Variants in CSN3 observed in about 807,000 individuals in gnomAD.
CSN3 encodes the protein casein kappa.
In CSN3, 7 loss-of-function variants were observed where a neutral mutation model predicts 9.9. That is an observed-to-expected ratio of 0.71 (90% CI 0.40 to 1.33). The LOEUF is 1.33. Among genes scored for constraint, CSN3 ranks in the 40% most tolerant of loss-of-function variants. The pLI is 0.01. For synonymous variants in CSN3, 88 were observed against 82.3 expected, an observed-to-expected ratio of 1.07 and a Z score of -0.37; for missense variants, 253 against 227.9, an observed-to-expected ratio of 1.11 and a Z score of -0.71.
exon 2 of CSN3, chr4:70,244,846 T>C (rs1261199751): frequency 1.3e-6 from 2 of 1,569,920 alleles, no homozygotes; most frequent in East Asian, 2.3e-5. Context: ...TAGTTGTCAA[T>C]GCCCTGGCAT....
chr4:70,245,587 T>A (rs996494030), intron 2 of CSN3, among the ~76,000 whole-genome samples: 2 of 152,162 alleles, frequency 1.3e-5, no homozygotes, highest in African/African-American at 2.4e-5. Flanking sequence ...CCTCTTTTTA[T>A]TTTCTTGTTC....
upstream of CSN3, among the ~76,000 whole-genome samples, chr4:70,239,305 G>A (rs1730228336): frequency 6.6e-6 from 1 of 151,750 alleles, no homozygotes; most frequent in African/African-American, 2.4e-5. Flanking sequence ...ACATTGAGTG[G>A]GAAGAATATC....
At chr4:70,245,882 T>C (rs957470720) in intron 2 of CSN3, among the ~76,000 whole-genome samples, 1 of 152,152 alleles carries the variant, frequency 6.6e-6, no homozygotes, top group African/African-American at 2.4e-5. Context: ...TACTTTGTGG[T>C]CACCTGAACA....
chr4:70,240,036 A>G (rs918945664), upstream of CSN3, among the ~76,000 whole-genome samples: 5 of 151,996 alleles, frequency 3.3e-5, no homozygotes, highest in African/African-American at 1.2e-4. Flanking sequence ...TAGAGTGTTG[A>G]GGTCAGCCTG....
At chr4:70,248,904 TA>T in intron 3 of CSN3, 93 bp from the exon 4 acceptor site, 1 of 853,020 alleles carries the variant, frequency 1.2e-6, no homozygotes, top group Non-Finnish European at 1.8e-6. Flanking sequence ...TACTCAATGG[TA>T]AATACTATAT....
At chr4:70,250,124 G>A (rs11729639) in intron 4 of CSN3, among the ~76,000 whole-genome samples, 16,646 of 152,184 alleles carry the variant, frequency 0.11, 1,066 homozygotes, top group Admixed American at 0.18. Context: ...ACAATGTGAT[G>A]CAAAGTGTTA....
At chr4:70,243,024 C>A (rs1374358052) in intron 1 of CSN3, 2 of 218,326 alleles carry the variant, frequency 9.2e-6, no homozygotes, top group African/African-American at 2.3e-5. Flanking sequence ...CCCTTAATTA[C>A]TTTCAAATTT....
At chr4:70,242,879 T>A (rs1730300631) in intron 1 of CSN3, among the ~76,000 whole-genome samples, 3 of 152,128 alleles carry the variant, frequency 2.0e-5, no homozygotes, top group Admixed American at 1.3e-4. Context: ...TGGGTTCCAG[T>A]CAAATTCTGA....
At chr4:70,249,336 T>A (rs3775740) in exon 4 of CSN3, 197,599 of 1,613,904 alleles carry the variant, frequency 0.12, 13,309 homozygotes, top group Non-Finnish European at 0.14. Flanking sequence ...CTGTTGAACC[T>A]ACACCAGCTC....
intron 2 of CSN3, among the ~76,000 whole-genome samples, chr4:70,245,635 T>C (rs987235004): frequency 1.3e-5 from 2 of 152,156 alleles, no homozygotes. Flanking sequence ...GAGGCAAGCA[T>C]AAATAATGGT....
chr4:70,245,349 C>T (rs1167648178), intron 2 of CSN3, among the ~76,000 whole-genome samples: 1 of 152,076 alleles, frequency 6.6e-6, no homozygotes, highest in Non-Finnish European at 1.5e-5. Context: ...GTTTCAAAGA[C>T]CTTGATACTT....
exon 2 of CSN3, chr4:70,244,854 C>A (rs549252375): frequency 6.4e-7 from 1 of 1,567,768 alleles, no homozygotes; most frequent in Non-Finnish European, 8.6e-7. Flanking sequence ...AATGCCCTGG[C>A]ATTAACCCTG....
At chr4:70,250,331 T>A (rs1311307818) in intron 4 of CSN3, among the ~76,000 whole-genome samples, 2 of 152,222 alleles carry the variant, frequency 1.3e-5, no homozygotes, top group African/African-American at 2.4e-5. Context: ...ACATGTTTTA[T>A]GATCTAAAAT....
At chr4:70,248,525 G>A (rs1298150211) in intron 3 of CSN3, among the ~76,000 whole-genome samples, 1 of 151,906 alleles carries the variant, frequency 6.6e-6, no homozygotes, top group Non-Finnish European at 1.5e-5. Context: ...TGTGCTCTTG[G>A]GCTAATTTTT....
upstream of CSN3, among the ~76,000 whole-genome samples, chr4:70,241,866 G>A (rs186419325): frequency 5.0e-4 from 76 of 152,028 alleles, 1 homozygote; most frequent in Admixed American, 3.5e-3. Context: ...CAGCCCAAAC[G>A]CAAATGATTC....
In CSN3 at chr4:70,244,799, A is replaced by T. The variant is rs1560495920; in HGVS notation, c.-8-13A>T. On this transcript the variant is annotated splice_polypyrimidine_tract_variant and intron_variant, in intron 1 of 4. Transcript: ENST00000304954. ...ATTCTTTTAAATTAATTTTTTTTTAAATTTATCTTTAGGTGCAATAATGAA... is the reference window on the plus strand; with the variant it reads ...ATTCTTTTAAATTAATTTTTTTTTATATTTATCTTTAGGTGCAATAATGAA... 6.8e-7 allele frequency: 1 copy of T among 1,470,650 alleles called. No homozygotes were observed. The highest frequency in any genetic ancestry group is 1.5e-5 in the South Asian group (1 of 67,402). The allele number at this position is 1,470,650 out of a possible 1,614,324, so 91.1% of individuals were successfully genotyped here. A position where few individuals can be genotyped will look rare whatever the true frequency, so the allele number is the denominator to read the frequency against.
At chr4:70,240,203 A>C (rs1730244169), upstream of CSN3, among the ~76,000 whole-genome samples, 1 of 152,040 alleles carries the variant, frequency 6.6e-6, no homozygotes, top group Non-Finnish European at 1.5e-5. Context: ...AAAAGAGTGT[A>C]TATGAGTCAA....
exon 2 of CSN3, chr4:70,244,839 T>C (rs774574281): frequency 2.6e-6 from 4 of 1,567,668 alleles, no homozygotes; most frequent in East Asian, 2.3e-5. Flanking sequence ...TTTCTTCTAG[T>C]TGTCAATGCC....
intron 2 of CSN3, among the ~76,000 whole-genome samples, chr4:70,247,449 C>T (rs1730402427): frequency 6.6e-6 from 1 of 152,004 alleles, no homozygotes; most frequent in South Asian, 2.1e-4. Context: ...CTCAATGCTC[C>T]TCTAATTTTT....
Sources: allele counts gnomAD v4.1 joint callset (sites outside exome capture counted in the v4.1 genomes callset), GRCh38; gene constraint gnomAD v4.1.1; transcripts MANE v1.5; gene names NCBI Gene and HGNC (gene_info 2026-07-23, HGNC 2026-07-21).